The following ABCB9 variants were observed in gnomAD, a reference collection of about 807,000 sequenced individuals.
The protein encoded by ABCB9 is ABC-type oligopeptide transporter ABCB9.
Under a neutral mutation model 62.0 loss-of-function variants are expected in ABCB9, and 36 were observed. The ratio of observed to expected loss-of-function variants is 0.58; its 90% CI spans 0.45 to 0.77. The LOEUF (loss-of-function observed/expected upper bound fraction) is 0.77, where lower values mean the gene tolerates loss of function less well. ABCB9 is among the 30% of genes least tolerant of loss of function. The pLI is 0.00. For missense variants in ABCB9, 943 were observed against 1,054.7 expected (o/e 0.89, Z 1.47); for synonymous variants, 435 against 461.4 (o/e 0.94, Z 0.73).
chr12:122,955,894 T>C (rs796222889), intron 2 of ABCB9, among the ~76,000 whole-genome samples: 17 of 152,240 alleles, frequency 1.1e-4, no homozygotes, highest in African/African-American at 4.1e-4. Flanking sequence ...GTAGTTTTAG[T>C]AGAGACGGGG....
chr12:122,926,772 C>T (rs1190792470), downstream of ABCB9, among the ~76,000 whole-genome samples: 1 of 151,564 alleles, frequency 6.6e-6, no homozygotes, highest in African/African-American at 2.4e-5. Context: ...TGGCGATGTG[C>T]ACCTGTAGCC....
rs1391094731 is a variant in ABCB9 at position 122,946,226 on chromosome 12, T to C, written c.1054-4A>G. On this transcript the variant is annotated splice_polypyrimidine_tract_variant and splice_region_variant and intron_variant, in intron 5 of 11. Coordinates refer to ENST00000280560, the MANE Select transcript of ABCB9 (RefSeq NM_019625.4). ...TCTGGACCTCTTTGGAGAGCCTCTA[T>C]GGACAGGAGGGGGACAAGAAGGAGA... 8 of 1,614,070 alleles carry C rather than the reference T, an allele frequency of 5.0e-6. No individual in the cohort carries two copies. The highest frequency in any genetic ancestry group is 1.6e-4 in the Middle Eastern group (1 of 6,062).
chr12:122,968,048 G>C (rs1277638199), upstream of ABCB9, among the ~76,000 whole-genome samples: 1 of 151,334 alleles, frequency 6.6e-6, no homozygotes, highest in Admixed American at 6.6e-5. Flanking sequence ...GAGAACACCT[G>C]TTCAACAGAA....
chr12:122,935,475 T>A (rs377056518), intron 9 of ABCB9, 44 bp from the exon 10 acceptor site: 2 of 1,587,870 alleles, frequency 1.3e-6, no homozygotes, highest in African/African-American at 2.7e-5. Flanking sequence ...AGGAATGTGT[T>A]CATCCAGCTG....
upstream of ABCB9, among the ~76,000 whole-genome samples, chr12:122,970,330 C>T (rs1189967595): frequency 6.6e-6 from 1 of 151,322 alleles, no homozygotes; most frequent in Admixed American, 6.6e-5. Flanking sequence ...TCACTGCAAC[C>T]CCCACCTCCT....
downstream of ABCB9, among the ~76,000 whole-genome samples, chr12:122,927,849 TAAA>T (rs1335157110): frequency 1.3e-5 from 2 of 152,194 alleles, no homozygotes; most frequent in Non-Finnish European, 1.5e-5. Flanking sequence ...AGCCAATACA[TAAA>T]AAACAGCTGA....
Position 122,949,783 on chromosome 12 carries a change from C to A in ABCB9, c.847+5G>T. 6.2e-7 allele frequency: 1 copy of A among 1,614,092 alleles called. No homozygotes were observed. Among genetic ancestry groups the A allele is most frequent in the Non-Finnish European group, 8.5e-7 (1 of 1,179,946 alleles). ...CAGGACACCTAGGGCACTGGAAGGA[C>A]CAACCTGTGCGGTTCTCATCAAAGA... On this transcript the variant is annotated splice_donor_5th_base_variant and intron_variant, in intron 4 of 11. Coordinates refer to ENST00000280560, the MANE Select transcript of ABCB9 (RefSeq NM_019625.4).
At chr12:122,970,463 G>T (rs552218709), upstream of ABCB9, among the ~76,000 whole-genome samples, 15 of 152,074 alleles carry the variant, frequency 9.9e-5, no homozygotes, top group Non-Finnish European at 1.8e-4. Context: ...GGCCAGGCTG[G>T]TCTAGAACTC....
chr12:122,940,054 G>C lies in ABCB9; in HGVS notation c.1743+57C>G, dbSNP rs1217471975. The C allele has an allele frequency of 1.3e-6, 2 of 1,555,096 alleles. No individual in the cohort carries two copies. Among genetic ancestry groups the C allele is most frequent in the Admixed American group, 3.9e-5 (2 of 51,002 alleles). ...CTTCCGCACCTGTTACAGCTCACAA[G>C]AAAGACGGTTAGATGCAGAAAGGGC... On this transcript the variant is annotated intron_variant, in intron 9 of 11. Coordinates refer to ENST00000280560, the MANE Select transcript of ABCB9 (RefSeq NM_019625.4). The surrounding 1 kb of genome is among the most constrained non-coding windows in gnomAD (Gnocchi z 4.8).
intron 11 of ABCB9, among the ~76,000 whole-genome samples, chr12:122,921,514 C>T (rs957778548): frequency 3.3e-5 from 5 of 152,192 alleles, no homozygotes; most frequent in Admixed American, 6.5e-5. Context: ...CAGTGGCTCA[C>T]GTCTGTAATC....
At chr12:122,961,125 G>A (rs1205709804) in intron 1 of ABCB9, among the ~76,000 whole-genome samples, 6 of 151,484 alleles carry the variant, frequency 4.0e-5, no homozygotes, top group African/African-American at 1.5e-4. Context: ...AAAGAGGGGG[G>A]TAAATAGGAT....
Position 122,932,038 on chromosome 12 carries a change from C to T in ABCB9, c.2040+154G>A, listed in dbSNP as rs995989202. The T allele has an allele frequency of 1.6e-5, 22 of 1,381,038 alleles. No homozygotes were observed. The highest frequency in any genetic ancestry group is 2.2e-5 in the Non-Finnish European group (22 of 1,014,926). The allele number at this position is 1,381,038 out of a possible 1,614,324, so 85.5% of individuals were successfully genotyped here. Reference sequence around the variant, plus strand: ...GTCCAGAGTGGCTCCTGGCTCCCCACTCTCAACACCAGGAATTCACCAGCC... The same window carrying T: ...GTCCAGAGTGGCTCCTGGCTCCCCATTCTCAACACCAGGAATTCACCAGCC... On this transcript the variant is annotated intron_variant, in intron 11 of 11. Transcript: ENST00000280560. The surrounding 1 kb of genome is among the most constrained non-coding windows in gnomAD (Gnocchi z 4.7).
Position 122,964,622 on chromosome 12 carries a change from G to A in ABCB9, c.-88+1665C>T, listed in dbSNP as rs897334232. 1.3e-5 allele frequency among the ~76,000 whole-genome samples: 2 copies of A among 152,270 alleles called. No individual in the cohort carries two copies. The highest frequency in any genetic ancestry group is 4.8e-5 in the African/African-American group (2 of 41,478). ...AGAAGCGTGACCACCAGCCAAGGCT[G>A]CTTAGAGGCCTGTCACCGCTCTCCA... On this transcript the variant is annotated intron_variant, in intron 1 of 11. Transcript: ENST00000280560. This position sits in a 1 kb window ranked among gnomAD's most constrained non-coding sequence, Gnocchi z 4.7.
rs149319315 is a variant in ABCB9 at position 122,935,369 on chromosome 12, G to A, written c.1806C>T (p.Tyr602=). 223 of 1,614,088 alleles carry A rather than the reference G, an allele frequency of 1.4e-4. No homozygotes were observed. In the African/African-American group the frequency reaches 2.6e-3, roughly 19 times the overall value. ...TCTCGAAAGGCACAGTGGGCAGGCCGTAGGAGATGTTATCCGTGATGGAGC... is the reference window on the plus strand; with the variant it reads ...TCTCGAAAGGCACAGTGGGCAGGCCATAGGAGATGTTATCCGTGATGGAGC... ...FARSITDNIS[Y]GLPTVPFEMV... The change falls in exon 10 of 12, where the codon TAC becomes TAT. Residue 602 remains tyrosine (Y), a synonymous_variant. Coordinates refer to ENST00000280560, the MANE Select transcript of ABCB9 (RefSeq NM_019625.4).
Position 122,948,638 on chromosome 12 carries a change from C to T in ABCB9, c.1039G>A (p.Gly347Ser), listed in dbSNP as rs139273443. ...PIIMMVSNIY[G>S]KYYKRLSKEV... ...GGCAGGCCTACCTTGTAGTACTTGCCGTAGATGTTGGACACCATCATGATG... is the reference window on the plus strand; with the variant it reads ...GGCAGGCCTACCTTGTAGTACTTGCTGTAGATGTTGGACACCATCATGATG... Residue 347 changes from glycine (G) to serine (S), a missense_variant, in exon 5 of 12, where the codon GGC becomes AGC. By Grantham distance (56) the Gly-to-Ser change is moderately conservative (BLOSUM62 0). Transcript: ENST00000280560. 2.3e-5 allele frequency: 37 copies of T among 1,612,286 alleles called. No individual in the cohort carries two copies. The highest frequency in any genetic ancestry group is 1.6e-4 in the Middle Eastern group (1 of 6,064).
downstream of ABCB9, among the ~76,000 whole-genome samples, chr12:122,927,317 G>A (rs1416500430): frequency 6.6e-6 from 1 of 152,016 alleles, no homozygotes; most frequent in African/African-American, 2.4e-5. Flanking sequence ...GACTACAGGC[G>A]TGTGCCAACA....
chr12:122,928,780 C>T (rs371022398), downstream of ABCB9, among the ~76,000 whole-genome samples: 166 of 152,218 alleles, frequency 1.1e-3, 4 homozygotes, highest in South Asian at 3.7e-3. Context: ...TATCCCCCTG[C>T]GCAATCCCCG....
At chr12:122,968,884 G>A (rs1027455203), upstream of ABCB9, among the ~76,000 whole-genome samples, 7 of 152,122 alleles carry the variant, frequency 4.6e-5, no homozygotes, top group African/African-American at 1.7e-4. Flanking sequence ...CACGGTGCTG[G>A]GATTACAAGC....
rs1030707136 is a variant in ABCB9, at chr12:122,929,202, C to T, written c.*709G>A. 5 of 985,938 alleles carry T rather than the reference C, an allele frequency of 5.1e-6. No homozygotes were observed. The South Asian group carries it at 1.4e-4, about 28-fold the overall frequency. The allele number at this position is 985,938 out of a possible 1,614,324, so 61.1% of individuals were successfully genotyped here. ...CAGCCAGGGGTGGGTGGACGAGGGG[C>T]GAAAGCGCTGGGTGCCGGGCTGGGG... is the stretch of plus-strand genomic sequence containing the variant. On this transcript the variant is annotated 3_prime_UTR_variant, in exon 12 of 12. Transcript: ENST00000280560. The surrounding 1 kb of genome is among the most constrained non-coding windows in gnomAD (Gnocchi z 6.0).
Sources: allele counts gnomAD v4.1 joint callset (sites outside exome capture counted in the v4.1 genomes callset), GRCh38; gene constraint gnomAD v4.1.1; non-coding constraint Gnocchi (gnomAD v3.1); transcripts MANE v1.5; gene names NCBI Gene and HGNC (gene_info 2026-07-23, HGNC 2026-07-21).